Variants in NRG1 observed in about 807,000 individuals in gnomAD.
The protein encoded by NRG1 is neuregulin 1.
Under a neutral mutation model 63.8 loss-of-function variants are expected in NRG1, and 18 were observed. That is an observed-to-expected ratio of 0.28 (90% CI 0.19 to 0.42). NRG1 has a LOEUF of 0.42. Ranked by LOEUF, NRG1 falls within the 10% of genes least tolerant of loss-of-function variation. The pLI is 1.00. For missense variants in NRG1, 762 were observed against 814.7 expected (o/e 0.94, Z 0.79); for synonymous variants, 302 against 301.3 (o/e 1.00, Z -0.02).
intron 5 of NRG1, among the ~76,000 whole-genome samples, chr8:32,651,295 T>G (rs990235698): frequency 2.0e-5 from 3 of 152,174 alleles, no homozygotes; most frequent in African/African-American, 7.2e-5. Flanking sequence ...TGAAAGTATA[T>G]AAGTATATAT....
At chr8:31,688,629 T>C (rs762214970) in intron 1 of NRG1, among the ~76,000 whole-genome samples, 1 of 152,208 alleles carries the variant, frequency 6.6e-6, no homozygotes, top group Non-Finnish European at 1.5e-5. Context: ...TACACATATA[T>C]ACACTATGAT....
intron 1 of NRG1, among the ~76,000 whole-genome samples, chr8:32,404,604 T>TTA (rs1813699645): frequency 7.0e-6 from 1 of 142,882 alleles, no homozygotes; most frequent in South Asian, 2.2e-4. Context: ...TTTTTTTTTT[T>TTA]AATGGAGTCT....
chr8:32,479,455 C>T (rs761666168), intron 1 of NRG1, among the ~76,000 whole-genome samples: 13 of 151,858 alleles, frequency 8.6e-5, no homozygotes, highest in South Asian at 2.1e-4. Context: ...CTAGCCTGGG[C>T]GACAGAATGA....
intron 1 of NRG1, among the ~76,000 whole-genome samples, chr8:32,486,201 G>T (rs1257995136): frequency 6.6e-6 from 1 of 152,032 alleles, no homozygotes; most frequent in Admixed American, 6.6e-5. Context: ...CAAAGTGCTG[G>T]GATTACAGAT....
intron 1 of NRG1, among the ~76,000 whole-genome samples, chr8:32,106,752 T>TA (rs775161585): frequency 3.3e-5 from 5 of 152,046 alleles, no homozygotes; most frequent in Non-Finnish European, 5.9e-5. Flanking sequence ...ACTCCCTTTT[T>TA]AAAAAAAATG....
chr8:31,823,435 G>T (rs761815244), intron 1 of NRG1, among the ~76,000 whole-genome samples: 1 of 152,052 alleles, frequency 6.6e-6, no homozygotes, highest in Non-Finnish European at 1.5e-5. Flanking sequence ...AGGCTGGCTG[G>T]AAGCCTGAAT....
intron 1 of NRG1, among the ~76,000 whole-genome samples, chr8:31,774,430 C>T (rs2131585348): frequency 6.6e-6 from 1 of 152,212 alleles, no homozygotes; most frequent in Non-Finnish European, 1.5e-5. Context: ...AGAGCAGTGA[C>T]ATTGTCTTTT....
intron 1 of NRG1, among the ~76,000 whole-genome samples, chr8:32,352,752 G>A (rs1270233287): frequency 6.6e-6 from 1 of 151,974 alleles, no homozygotes; most frequent in African/African-American, 2.4e-5. Flanking sequence ...ATGGTGGCAT[G>A]CACCTGTAGT....
At chr8:32,092,698 T>C (rs1258224786) in intron 1 of NRG1, among the ~76,000 whole-genome samples, 1 of 152,048 alleles carries the variant, frequency 6.6e-6, no homozygotes, top group Non-Finnish European at 1.5e-5. Flanking sequence ...CAGGTGTTTA[T>C]GCAGCAGGTG....
At position 31,967,075 on chromosome 8, in the gene NRG1, G is replaced by C. The variant is rs570386492; in HGVS notation, c.37+327644G>C. 5.3e-5 allele frequency among the ~76,000 whole-genome samples: 8 copies of C among 152,264 alleles called. No individual in the cohort carries two copies. The South Asian group carries it at 6.2e-4, about 12-fold the overall frequency. The stretch of plus-strand genomic sequence containing the variant: ...TTAGTGATTATGTGCTACCTGATGA[G>C]TTAAAGAGGAGCCCTGGGAGTGTAT... On this transcript the variant is annotated intron_variant, in intron 1 of 10. Coordinates refer to the NRG1 transcript ENST00000519301.
intron 1 of NRG1, among the ~76,000 whole-genome samples, chr8:32,593,812 ACTTCTATGAAAGCTCT>A (rs1842903233): frequency 6.7e-6 from 1 of 150,368 alleles, no homozygotes; most frequent in Admixed American, 6.7e-5. Context: ...TTTTAAAAAG[ACTTCTATGAAAGCTCT>A]TCAGAAAAAA....
chr8:31,964,987 A>G (rs1397593016), intron 1 of NRG1, among the ~76,000 whole-genome samples: 2 of 152,172 alleles, frequency 1.3e-5, no homozygotes, highest in Non-Finnish European at 2.9e-5. Flanking sequence ...ACACAAGACA[A>G]AAGCTCCATC....
intron 1 of NRG1, among the ~76,000 whole-genome samples, chr8:31,943,368 T>C (rs1802048114): frequency 6.6e-6 from 1 of 152,066 alleles, no homozygotes; most frequent in Non-Finnish European, 1.5e-5. Flanking sequence ...TACATTGGAC[T>C]TCGGGGACTT....
chr8:31,985,004 G>C (rs1163541304), intron 1 of NRG1, among the ~76,000 whole-genome samples: 1 of 152,076 alleles, frequency 6.6e-6, no homozygotes, highest in Non-Finnish European at 1.5e-5. Flanking sequence ...ACCCATTTGA[G>C]ACTGCAAGAA....
chr8:32,074,191 G>T (rs892062730), intron 1 of NRG1, among the ~76,000 whole-genome samples: 1 of 152,050 alleles, frequency 6.6e-6, no homozygotes, highest in African/African-American at 2.4e-5. Context: ...TATCAATATT[G>T]GTATACTTTC....
chr8:31,816,224 A>G (rs1232123361), intron 1 of NRG1, among the ~76,000 whole-genome samples: 1 of 152,128 alleles, frequency 6.6e-6, no homozygotes, highest in Non-Finnish European at 1.5e-5. Context: ...ACACATGAGC[A>G]CCTCAACTGA....
At chr8:32,200,818 A>G (rs1843425867) in intron 1 of NRG1, among the ~76,000 whole-genome samples, 1 of 152,136 alleles carries the variant, frequency 6.6e-6, no homozygotes, top group Non-Finnish European at 1.5e-5. Context: ...CACTTGTGGT[A>G]CATGTTGTTT....
chr8:32,068,281 A>G (rs1474662769), intron 1 of NRG1, among the ~76,000 whole-genome samples: 2 of 152,212 alleles, frequency 1.3e-5, no homozygotes, highest in East Asian at 1.9e-4. Context: ...TCTTGGTGAC[A>G]TCATGGCTTA....
intron 1 of NRG1, among the ~76,000 whole-genome samples, chr8:32,196,118 A>AGTGTGTGT (rs55951634): frequency 0.32 from 46,539 of 146,712 alleles, 8,337 homozygotes; most frequent in Admixed American, 0.45. Context: ...AAAAACAATG[A>AGTGTGTGT]GTGTGTGTGT....
Sources: allele counts gnomAD v4.1 joint callset (sites outside exome capture counted in the v4.1 genomes callset), GRCh38; gene constraint gnomAD v4.1.1; transcripts MANE v1.5; gene names NCBI Gene and HGNC (gene_info 2026-07-23, HGNC 2026-07-21).